NKAIN3: variants seen among roughly 807,000 people sequenced by gnomAD.
NKAIN3 encodes sodium/potassium-transporting ATPase subunit beta-1-interacting protein 3.
A neutral mutation model predicts 30.2 loss-of-function variants in NKAIN3; 25 were observed. The observed-to-expected ratio is 0.83, with a 90% CI of 0.60 to 1.16. The LOEUF is 1.16. Ranked by LOEUF, NKAIN3 falls within the 50% of genes most tolerant of loss-of-function variation. The pLI, the probability that NKAIN3 is intolerant of heterozygous loss-of-function variation, is 0.00. For synonymous variants in NKAIN3, 91 were observed against 89.6 expected, an observed-to-expected ratio of 1.02 and a Z score of -0.09; for missense variants, 225 against 254.1, an observed-to-expected ratio of 0.89 and a Z score of 0.78.
intron 4 of NKAIN3, among the ~76,000 whole-genome samples, chr8:62,834,338 A>G (rs1819292300): frequency 6.6e-6 from 1 of 152,118 alleles, no homozygotes; most frequent in African/African-American, 2.4e-5. Flanking sequence ...CAATCAGTCA[A>G]GAGAAATAAA....
At chr8:62,661,154 T>A (rs931749071) in intron 3 of NKAIN3, among the ~76,000 whole-genome samples, 3 of 152,178 alleles carry the variant, frequency 2.0e-5, no homozygotes. Context: ...ACGCCATCCT[T>A]CCAGGCTGAT....
chr8:62,884,663 CT>C (rs35912705), intron 4 of NKAIN3, among the ~76,000 whole-genome samples: 15,701 of 152,140 alleles, frequency 0.1, 892 homozygotes, highest in Admixed American at 0.14. Flanking sequence ...GATTCCGTTT[CT>C]TTAATAGATA....
chr8:62,885,574 G>T (rs1394789572), intron 4 of NKAIN3, among the ~76,000 whole-genome samples: 2 of 152,202 alleles, frequency 1.3e-5, no homozygotes, highest in East Asian at 3.9e-4. Flanking sequence ...TTCTGAACAG[G>T]GACATTGAAG....
chr8:62,614,781 C>T (rs1338251193), intron 3 of NKAIN3, among the ~76,000 whole-genome samples: 1 of 151,528 alleles, frequency 6.6e-6, no homozygotes, highest in Non-Finnish European at 1.5e-5. Context: ...GTCGTAGCCA[C>T]TGCTACCACA....
chr8:62,329,680 T>C (rs1815274229), intron 1 of NKAIN3, among the ~76,000 whole-genome samples: 1 of 152,144 alleles, frequency 6.6e-6, no homozygotes, highest in Non-Finnish European at 1.5e-5. Flanking sequence ...TTGTTCTTTT[T>C]TATGGCTGCA....
intron 4 of NKAIN3, among the ~76,000 whole-genome samples, chr8:62,780,919 T>TATAGAACCTCCTTAGC (rs1214107248): frequency 1.3e-5 from 2 of 151,962 alleles, no homozygotes; most frequent in Non-Finnish European, 2.9e-5. Context: ...TTCAACATAG[T>TATAGAACCTCCTTAGC]ATAGAACCTC....
At chr8:62,820,598 T>C (rs1240185171) in intron 4 of NKAIN3, among the ~76,000 whole-genome samples, 2 of 152,140 alleles carry the variant, frequency 1.3e-5, no homozygotes, top group East Asian at 1.9e-4. Context: ...AAGCAAAATA[T>C]ATTGTCTATT....
chr8:62,287,429 C>T (rs1379753259), intron 1 of NKAIN3, among the ~76,000 whole-genome samples: 1 of 151,978 alleles, frequency 6.6e-6, no homozygotes, highest in Non-Finnish European at 1.5e-5. Flanking sequence ...CTCTGAGCTT[C>T]AGTTTTGTAG....
At chr8:62,806,658 G>T (rs904389268) in intron 4 of NKAIN3, among the ~76,000 whole-genome samples, 1 of 151,990 alleles carries the variant, frequency 6.6e-6, no homozygotes, top group African/African-American at 2.4e-5. Flanking sequence ...CTGTTGTGGG[G>T]TCGCGGGAGT....
intron 3 of NKAIN3, among the ~76,000 whole-genome samples, chr8:62,618,457 C>G (rs916148999): frequency 2.0e-5 from 3 of 152,088 alleles, no homozygotes; most frequent in African/African-American, 7.2e-5. Context: ...GCTGTCTCAT[C>G]CTGCTGTGTC....
downstream of NKAIN3, among the ~76,000 whole-genome samples, chr8:62,988,026 A>C (rs1824239368): frequency 6.6e-6 from 1 of 152,236 alleles, no homozygotes; most frequent in African/African-American, 2.4e-5. Context: ...GGCCCTATGC[A>C]AGTCTGGAAT....
At chr8:62,516,962 G>T (rs768539521) in intron 1 of NKAIN3, among the ~76,000 whole-genome samples, 9 of 152,014 alleles carry the variant, frequency 5.9e-5, no homozygotes, top group Non-Finnish European at 1.0e-4. Flanking sequence ...ACCACTTTCA[G>T]CTCCTTCCAG....
chr8:62,654,747 T>C (rs1379037636), intron 3 of NKAIN3, among the ~76,000 whole-genome samples: 7 of 152,024 alleles, frequency 4.6e-5, no homozygotes, highest in South Asian at 4.2e-4. Flanking sequence ...TTACCACACA[T>C]ACACACACAC....
intron 1 of NKAIN3, among the ~76,000 whole-genome samples, chr8:62,318,828 C>T (rs977640697): frequency 6.6e-6 from 1 of 152,148 alleles, no homozygotes; most frequent in African/African-American, 2.4e-5. Flanking sequence ...GCTTTGGTAT[C>T]AGGATGATGC....
At chr8:62,422,209 ATATT>A (rs1804662601) in intron 1 of NKAIN3, among the ~76,000 whole-genome samples, 1 of 152,122 alleles carries the variant, frequency 6.6e-6, no homozygotes, top group Non-Finnish European at 1.5e-5. Flanking sequence ...ACATTCTTAA[ATATT>A]TAAGGAAATA....
At chr8:62,603,061 TGCA>T (rs1811030019) in intron 3 of NKAIN3, among the ~76,000 whole-genome samples, 1 of 152,166 alleles carries the variant, frequency 6.6e-6, no homozygotes, top group East Asian at 1.9e-4. Flanking sequence ...AAACTACTGC[TGCA>T]GAATTTTTCA....
chr8:62,771,420 A>G (rs1296228596), intron 4 of NKAIN3, among the ~76,000 whole-genome samples: 1 of 152,176 alleles, frequency 6.6e-6, no homozygotes, highest in Non-Finnish European at 1.5e-5. Context: ...AGTTTCAATA[A>G]TAGATTTGAA....
At chr8:62,869,849 G>A (rs1483928217) in intron 4 of NKAIN3, among the ~76,000 whole-genome samples, 1 of 151,952 alleles carries the variant, frequency 6.6e-6, no homozygotes, top group Admixed American at 6.6e-5. Context: ...CTCACTGCAA[G>A]CTCCGCCTCC....
chr8:62,328,525 C>T (rs1289733474), intron 1 of NKAIN3, among the ~76,000 whole-genome samples: 2 of 151,882 alleles, frequency 1.3e-5, no homozygotes, highest in African/African-American at 2.4e-5. Flanking sequence ...ATAGAGATTT[C>T]CTGTTTTCTC....
Sources: gnomAD v4.1 joint callset for allele counts (sites outside exome capture counted in the v4.1 genomes callset) on GRCh38, gnomAD v4.1.1 for gene constraint, MANE v1.5 for transcripts, NCBI Gene and HGNC (gene_info 2026-07-23, HGNC 2026-07-21) for gene names.